CTNNBL1: variants seen among roughly 807,000 people sequenced by gnomAD.
The protein encoded by CTNNBL1 is beta-catenin-like protein 1.
CTNNBL1 carries 31 observed loss-of-function variants against 72.7 expected under a neutral mutation model. The observed-to-expected ratio is 0.43, with a 90% confidence interval of 0.32 to 0.58. The LOEUF is 0.58. Ranked by LOEUF, CTNNBL1 falls within the 20% of genes least tolerant of loss-of-function variation. The probability of loss-of-function intolerance (pLI) is 0.08; values close to 1 mark genes in which losing one functional copy is unlikely to be tolerated. For missense variants in CTNNBL1, 534 were observed against 725.1 expected (o/e 0.74, Z 3.03); for synonymous variants, 240 against 267.3 (o/e 0.90, Z 1.00).
At chr20:37,845,939 A>C (rs528373967) in intron 13 of CTNNBL1, among the ~76,000 whole-genome samples, 1 of 152,186 alleles carries the variant, frequency 6.6e-6, no homozygotes, top group African/African-American at 2.4e-5. Flanking sequence ...TTCCCTGTGA[A>C]CTTCAGACTT....
intron 15 of CTNNBL1, among the ~76,000 whole-genome samples, chr20:37,868,562 C>G (rs1023956942): frequency 1.3e-5 from 2 of 152,226 alleles, no homozygotes; most frequent in South Asian, 2.1e-4. Flanking sequence ...CCATTCACTG[C>G]CTGTGGGCCA....
At chr20:37,730,883 G>T (rs146484222) in intron 1 of CTNNBL1, among the ~76,000 whole-genome samples, 1 of 152,300 alleles carries the variant, frequency 6.6e-6, no homozygotes, top group East Asian at 1.9e-4. Context: ...TGGACTAGGA[G>T]TCTGGAAGTG....
At position 37,870,100 on chromosome 20, in the gene CTNNBL1, G is replaced by T. The variant is rs369708948; in HGVS notation, c.1604-1825G>T. 3.3e-5 allele frequency among the ~76,000 whole-genome samples: 5 copies of T among 151,812 alleles called. No homozygotes were observed. In the East Asian group the frequency reaches 7.7e-4, roughly 24 times the overall value. ...ATGGCGTCTTAAGGATCACTGTGCTGGGACAACAGGGGAGACAAGAACACA... is the reference window on the plus strand; with the variant it reads ...ATGGCGTCTTAAGGATCACTGTGCTTGGACAACAGGGGAGACAAGAACACA... On this transcript the variant is annotated intron_variant, in intron 15 of 15. Transcript: ENST00000361383.
At chr20:37,816,484 C>G (rs1382055187) in intron 11 of CTNNBL1, among the ~76,000 whole-genome samples, 1 of 152,204 alleles carries the variant, frequency 6.6e-6, no homozygotes, top group Non-Finnish European at 1.5e-5. Flanking sequence ...CGTTTGTTCT[C>G]TGAACCTCAG....
At chr20:37,845,231 T>C (rs2072337308) in intron 13 of CTNNBL1, among the ~76,000 whole-genome samples, 1 of 152,208 alleles carries the variant, frequency 6.6e-6, no homozygotes. Context: ...TTAGACTTTT[T>C]TTGAGGGAGA....
chr20:37,744,641 A>C (rs1193303827), intron 3 of CTNNBL1: 1 of 152,238 alleles, frequency 6.6e-6, no homozygotes, highest in African/African-American at 2.4e-5. Flanking sequence ...ATCTTGGCTC[A>C]GCAGGGAAGA....
intron 15 of CTNNBL1, among the ~76,000 whole-genome samples, chr20:37,870,768 G>A (rs1013564022): frequency 2.0e-5 from 3 of 152,168 alleles, no homozygotes; most frequent in Admixed American, 1.3e-4. Context: ...TTACCGTGGT[G>A]CACAGACCCA....
intron 13 of CTNNBL1, among the ~76,000 whole-genome samples, chr20:37,854,130 G>A (rs1001383058): frequency 2.6e-5 from 4 of 152,230 alleles, no homozygotes; most frequent in Non-Finnish European, 5.9e-5. Flanking sequence ...CATTGTCAGA[G>A]TCTTGAAGTT....
Position 37,767,947 on chromosome 20 carries a change from C to G in CTNNBL1, c.659-6C>G, listed in dbSNP as rs1370548719. 2 of 1,613,180 alleles carry G rather than the reference C, an allele frequency of 1.2e-6. No homozygotes were observed. Among genetic ancestry groups the G allele is most frequent in the African/African-American group, 1.3e-5 (1 of 74,904 alleles). ...TCCCAAATGACTGGTGTCTGTCTCC[C>G]TTCAGCTATTGTGGAAAACATGGCT... On this transcript the variant is annotated splice_polypyrimidine_tract_variant and splice_region_variant and intron_variant, in intron 6 of 15. Coordinates refer to ENST00000361383, the MANE Select transcript of CTNNBL1 (RefSeq NM_030877.5).
At chr20:37,833,677 T>A (rs74697605) in intron 11 of CTNNBL1, among the ~76,000 whole-genome samples, 1 of 152,184 alleles carries the variant, frequency 6.6e-6, no homozygotes, top group East Asian at 1.9e-4. Context: ...CCCATCTGCA[T>A]TGACAGCTCC....
At chr20:37,747,378 C>CAAAA (rs11476313) in intron 4 of CTNNBL1, among the ~76,000 whole-genome samples, 3 of 42,928 alleles carry the variant, frequency 7.0e-5, no homozygotes, top group African/African-American at 2.3e-4. Context: ...GACTCCATCT[C>CAAAA]AAAAAAAAAA....
At chr20:37,830,410 C>A (rs2072197842) in intron 11 of CTNNBL1, among the ~76,000 whole-genome samples, 2 of 152,158 alleles carry the variant, frequency 1.3e-5, no homozygotes, top group African/African-American at 4.8e-5. Flanking sequence ...GCTAGGGCCT[C>A]CTTTTCCTTT....
rs935231614 is a variant in CTNNBL1, at chr20:37,856,678, C to T, written c.1393-3221C>T. Among the ~76,000 whole-genome samples, 23 of 152,036 alleles carry T rather than the reference C, an allele frequency of 1.5e-4. 1 individual carries two copies. The highest frequency in any genetic ancestry group is 1.4e-3 in the Admixed American group (21 of 15,268). On this transcript the variant is annotated intron_variant, in intron 13 of 15. Coordinates refer to ENST00000361383, the MANE Select transcript of CTNNBL1 (RefSeq NM_030877.5). ...CATTCTGCTGTCTCTGCCCATCACT[C>T]GCCCTGAAACCTTACCCAAAAGTCA...
Position 37,717,814 on chromosome 20 carries a change from G to C in CTNNBL1, c.31-15065G>C, listed in dbSNP as rs368812146. Among the ~76,000 whole-genome samples, 735 of 152,112 alleles carry C rather than the reference G, an allele frequency of 4.8e-3. 7 individuals carry two copies. The highest frequency in any genetic ancestry group is 0.016 in the East Asian group (81 of 5,156). On this transcript the variant is annotated intron_variant, in intron 1 of 15. Coordinates refer to ENST00000361383, the MANE Select transcript of CTNNBL1 (RefSeq NM_030877.5). ...ATTAGGGAGTGGTGATGACTCTTAA[G>C]GAGCATGCTGCCTTCAAGCATCTGT...
chr20:37,855,071 T>C (rs144524081), intron 13 of CTNNBL1, among the ~76,000 whole-genome samples: 2,008 of 134,512 alleles, frequency 0.015, 18 homozygotes, highest in Non-Finnish European at 0.022. Context: ...CAATCAAAAA[T>C]AATATGATCT....
chr20:37,719,346 T>C (rs2073020295), intron 1 of CTNNBL1, among the ~76,000 whole-genome samples: 1 of 152,200 alleles, frequency 6.6e-6, no homozygotes. Flanking sequence ...TTATGCCACC[T>C]TCCTTGATCT....
chr20:37,776,719 C>T (rs759401035), intron 7 of CTNNBL1, among the ~76,000 whole-genome samples: 5 of 151,990 alleles, frequency 3.3e-5, no homozygotes, highest in Admixed American at 6.6e-5. Context: ...GAGCATGCAG[C>T]GGGGAAAGAA....
chr20:37,749,491 A>G (rs1350271226), intron 4 of CTNNBL1, among the ~76,000 whole-genome samples: 1 of 152,050 alleles, frequency 6.6e-6, no homozygotes, highest in African/African-American at 2.4e-5. Context: ...ATCCCCCTAT[A>G]ATAACTTTGA....
intron 1 of CTNNBL1, among the ~76,000 whole-genome samples, chr20:37,728,266 CAAATG>C (rs988594402): frequency 6.6e-6 from 1 of 152,080 alleles, no homozygotes; most frequent in African/African-American, 2.4e-5. Context: ...TGTAAAATAA[CAAATG>C]AATAATTTTT....
Sources: gnomAD v4.1 joint callset for allele counts (sites outside exome capture counted in the v4.1 genomes callset) on GRCh38, gnomAD v4.1.1 for gene constraint, MANE v1.5 for transcripts, NCBI Gene and HGNC (gene_info 2026-07-23, HGNC 2026-07-21) for gene names.